XKR5: variants seen among roughly 807,000 people sequenced by gnomAD.
XKR5 encodes the protein XK related 5, also known as XK-related protein 5.
XKR5 carries 46 observed loss-of-function variants against 40.8 expected under a neutral mutation model. That is an observed-to-expected ratio of 1.13 (90% CI 0.89 to 1.44). The LOEUF (loss-of-function observed/expected upper bound fraction) is 1.44. XKR5 is among the 40% of genes most tolerant of loss of function. The pLI, the probability that XKR5 is intolerant of heterozygous loss-of-function variation, is 0.00. For missense variants in XKR5, 1,169 were observed against 844.7 expected, an observed-to-expected ratio of 1.38 and a Z score of -4.76; for synonymous variants, 466 against 356.1, an observed-to-expected ratio of 1.31 and a Z score of -3.48.
intron 5 of XKR5, among the ~76,000 whole-genome samples, chr8:6,818,158 C>T (rs1385457559): frequency 6.6e-6 from 1 of 152,164 alleles, no homozygotes; most frequent in African/African-American, 2.4e-5. Flanking sequence ...CTTTTTTTCC[C>T]TCGGACGCTG....
chr8:6,816,486 T>A (rs1379700973), intron 5 of XKR5, among the ~76,000 whole-genome samples: 1 of 152,146 alleles, frequency 6.6e-6, no homozygotes, highest in African/African-American at 2.4e-5. Context: ...AAATGGCAGA[T>A]GGTCCAGAAG....
intron 3 of XKR5, 129 bp from the exon 4 acceptor site, chr8:6,823,859 G>T (rs1237139270): frequency 1.3e-6 from 1 of 784,778 alleles, no homozygotes; most frequent in South Asian, 1.7e-5. Flanking sequence ...TGCACAGAGA[G>T]TATTACTAAC....
At chr8:6,824,929 C>T (rs1195009065) in intron 3 of XKR5, among the ~76,000 whole-genome samples, 1 of 152,180 alleles carries the variant, frequency 6.6e-6, no homozygotes, top group Non-Finnish European at 1.5e-5. Flanking sequence ...TGGGCAATTT[C>T]TATCTTATGG....
At chr8:6,815,963 C>G (rs1251533982) in intron 5 of XKR5, 45 bp from the exon 6 acceptor site, 2 of 1,449,018 alleles carry the variant, frequency 1.4e-6, no homozygotes, top group South Asian at 1.2e-5. Context: ...CAGGTGCACA[C>G]TGCCTAGGGA....
In XKR5 at chr8:6,828,705, G is replaced by A. The variant is rs149627672; in HGVS notation, c.243-3356C>T. Among the ~76,000 whole-genome samples the A allele has an allele frequency of 4.7e-3, 717 of 152,282 alleles. 4 individuals carry two copies. Among genetic ancestry groups the A allele is most frequent in the Non-Finnish European group, 7.9e-3 (538 of 68,010 alleles). On this transcript the variant is annotated intron_variant, in intron 2 of 6. Coordinates refer to ENST00000618742, the MANE Select transcript of XKR5 (RefSeq NM_207411.5). ...ATTTCTGGCTGCCTGCATGGACCCC[G>A]TCCCTCCCAACTCTGTTGCATTTTA...
chr8:6,812,991 T>G (rs542424931), intron 6 of XKR5, among the ~76,000 whole-genome samples: 11 of 152,378 alleles, frequency 7.2e-5, no homozygotes, highest in African/African-American at 2.6e-4. Context: ...AGCATTCCAG[T>G]AAGCCTCCCA....
chr8:6,812,621 C>CGT lies in XKR5; in HGVS notation c.920-284_920-283dup, dbSNP rs142216487. ...AGGGCAGCTCCAGTTCAGTCATCTA[C>CGT]GTGTGTGTGTGTGAGTGTGCATTCA... On this transcript the variant is annotated intron_variant, in intron 6 of 6. Coordinates refer to ENST00000618742, the MANE Select transcript of XKR5 (RefSeq NM_207411.5). Among the ~76,000 whole-genome samples, 4 of 151,896 alleles carry CGT rather than the reference C, an allele frequency of 2.6e-5. No homozygotes were observed. The South Asian group carries it at 6.2e-4, about 24-fold the overall frequency.
chr8:6,829,022 T>C (rs1027306457), intron 2 of XKR5: 4 of 152,196 alleles, frequency 2.6e-5, no homozygotes, highest in Non-Finnish European at 5.9e-5. Context: ...GCCTGTTCCC[T>C]CCCTACATTG....
chr8:6,810,291 G>C lies in XKR5; in HGVS notation c.*907C>G, dbSNP rs948441124. On this transcript the variant is annotated 3_prime_UTR_variant, in exon 7 of 7. Transcript: ENST00000618742. ...CCACAAAGAACACTTTAGAGTGGAG[G>C]AGTCAGAGAGAAGGAGAGTGCGAGA... 1 of 152,324 alleles carries C rather than the reference G, an allele frequency of 6.6e-6. No individual in the cohort carries two copies. The highest frequency in any genetic ancestry group is 1.5e-5 in the Non-Finnish European group (1 of 68,064). 9.4% of individuals were successfully genotyped at this position (152,324 alleles called of 1,614,324 possible). A position where few individuals can be genotyped will look rare whatever the true frequency, so the allele number is the denominator to read the frequency against.
At position 6,812,100 on chromosome 8, in the gene XKR5, C is replaced by G; in HGVS notation, c.1159G>C (p.Ala387Pro). The change falls in exon 7 of 7, where the codon GCT becomes CCT. Residue 387 changes from alanine to proline, a missense_variant. Coordinates refer to ENST00000618742, the MANE Select transcript of XKR5 (RefSeq NM_207411.5). ...PPTPEQVPPEAGLGTQVAVED... is the reference protein window; with the variant it reads ...PPTPEQVPPEPGLGTQVAVED... ...ACAGCAACCTGGGTCCCCAGCCCAG[C>G]CTCTGGGGGGACCTGCTCAGGGGTA... 1.3e-6 allele frequency: 2 copies of G among 1,545,236 alleles called. No individual in the cohort carries two copies. The highest frequency in any genetic ancestry group is 2.0e-5 in the Admixed American group (1 of 51,012).
rs530569507 is a variant in XKR5 at position 6,812,156 on chromosome 8, C to G, written c.1103G>C (p.Ser368Thr). The change falls in exon 7 of 7, where the codon AGT becomes ACT. Residue 368 changes from serine (S) to threonine (T), a missense_variant. Ser to Thr is a moderately conservative substitution (Grantham distance 58, BLOSUM62 1). Coordinates refer to ENST00000618742, the MANE Select transcript of XKR5 (RefSeq NM_207411.5). ...CTTCCCTAAAATGGTTGGTTCATAA[C>G]TTGCCCCTTGGCATGAGCCTGAGCT... ...TESSGSCQGA[S>T]YEPTILGKPP... The G allele has an allele frequency of 4.5e-6, 7 of 1,551,582 alleles. No homozygotes were observed. In the Admixed American group the frequency reaches 5.9e-5, roughly 13 times the overall value.
chr8:6,811,556 G>T lies in XKR5; in HGVS notation c.1703C>A (p.Ser568Tyr). The change falls in exon 7 of 7, where the codon TCT becomes TAT. Residue 568 changes from serine (S) to tyrosine (Y), a missense_variant. By Grantham distance (144) the Ser-to-Tyr change is moderately radical. Coordinates refer to ENST00000618742, the MANE Select transcript of XKR5 (RefSeq NM_207411.5). ...GSPATLQTAH[S>Y]GRRLGKSSPA... is the part of the protein sequence containing the mutation. ...GCTGCTCTTTCCCAGCCTCCTTCCA[G>T]AGTGGGCCGTTTGCAGAGTAGCTGG... 1 of 1,536,608 alleles carries T rather than the reference G, an allele frequency of 6.5e-7. No homozygotes were observed. The highest frequency in any genetic ancestry group is 8.7e-7 in the Non-Finnish European group (1 of 1,146,488).
rs1014078835 is a variant in XKR5 at position 6,813,765 on chromosome 8, C to A, written c.920-1426G>T. 2.0e-5 allele frequency among the ~76,000 whole-genome samples: 3 copies of A among 152,192 alleles called. No individual in the cohort carries two copies. In the East Asian group the frequency reaches 5.8e-4, roughly 29 times the overall value. On this transcript the variant is annotated intron_variant, in intron 6 of 6. Coordinates refer to ENST00000618742, the MANE Select transcript of XKR5 (RefSeq NM_207411.5). Reference sequence around the variant, plus strand: ...GTGGCTATGGACTCCCTACTCACTGCCCTCCAGCTGTGCCGTGGGCCAGCA... The same window carrying A: ...GTGGCTATGGACTCCCTACTCACTGACCTCCAGCTGTGCCGTGGGCCAGCA...
intron 5 of XKR5, 58 bp downstream of exon 5, chr8:6,821,811 A>G: frequency 6.5e-7 from 1 of 1,527,776 alleles, no homozygotes; most frequent in Non-Finnish European, 8.9e-7. Flanking sequence ...ACACACCCAC[A>G]CACACCCCAC....
intron 1 of XKR5, among the ~76,000 whole-genome samples, chr8:6,833,360 G>A (rs201668880): frequency 3.3e-5 from 5 of 152,142 alleles, no homozygotes; most frequent in African/African-American, 9.7e-5. Flanking sequence ...CCTGTGGCCC[G>A]GCATGGTGTG....
intron 1 of XKR5, among the ~76,000 whole-genome samples, chr8:6,833,610 G>T (rs557393750): frequency 1.3e-5 from 2 of 152,342 alleles, no homozygotes; most frequent in East Asian, 3.9e-4. Flanking sequence ...AGCTACTCGG[G>T]ATGGATGAGG....
intron 5 of XKR5, among the ~76,000 whole-genome samples, chr8:6,821,258 CAA>C (rs1240824722): frequency 1.3e-5 from 2 of 152,188 alleles, no homozygotes; most frequent in Non-Finnish European, 2.9e-5. Context: ...ACTGTCCTGC[CAA>C]AAGTGTCTGT....
chr8:6,825,339 C>G lies in XKR5; in HGVS notation c.253G>C (p.Ala85Pro). The change falls in exon 3 of 7, where the codon GCT becomes CCT. Residue 85 changes from alanine (A) to proline (P), a missense_variant. Transcript: ENST00000618742. ...QLGVWKRHWDAALTSLQKELE... is the reference protein window; with the variant it reads ...QLGVWKRHWDPALTSLQKELE... Reference sequence around the variant, plus strand: ...TCCTTCTGCAGACTGGTCAGTGCAGCGTCCCAGTGCCTAGGGAACAGCAGA... The same window carrying G: ...TCCTTCTGCAGACTGGTCAGTGCAGGGTCCCAGTGCCTAGGGAACAGCAGA... 6.4e-7 allele frequency: 1 copy of G among 1,564,454 alleles called. No homozygotes were observed. Among genetic ancestry groups the G allele is most frequent in the Non-Finnish European group, 8.6e-7 (1 of 1,160,196 alleles).
Position 6,814,027 on chromosome 8 carries a change from GC to G in XKR5, c.920-1689del, listed in dbSNP as rs749587841. Among the ~76,000 whole-genome samples the G allele has an allele frequency of 8.5e-5, 13 of 152,272 alleles. No individual in the cohort carries two copies. In the East Asian group the frequency reaches 1.9e-3, roughly 23 times the overall value. ...GTTGTTAGACCTCCCGGCCGGCAAG[GC>G]CCCTTCATTCCAAGTATCACATGGC... On this transcript the variant is annotated intron_variant, in intron 6 of 6. Transcript: ENST00000618742.
Sources: gnomAD v4.1 joint callset for allele counts (sites outside exome capture counted in the v4.1 genomes callset) on GRCh38, gnomAD v4.1.1 for gene constraint, MANE v1.5 for transcripts, NCBI Gene and HGNC (gene_info 2026-07-23, HGNC 2026-07-21) for gene names.